Variants in ANKS1B observed in about 807,000 individuals in gnomAD.
ANKS1B encodes ankyrin repeat and sterile alpha motif domain containing 1B.
A neutral mutation model predicts 148.3 loss-of-function variants in ANKS1B; 36 were observed. The observed-to-expected ratio is 0.24, with a 90% CI of 0.19 to 0.32. The LOEUF (loss-of-function observed/expected upper bound fraction) is 0.32, where lower values mean the gene tolerates loss of function less well. Ranked by LOEUF, ANKS1B falls within the 10% of genes least tolerant of loss-of-function variation. The pLI, the probability that ANKS1B is intolerant of heterozygous loss-of-function variation, is 1.00. For synonymous variants in ANKS1B, 542 were observed against 560.8 expected (o/e 0.97, Z 0.47); for missense variants, 1,157 against 1,542.6 (o/e 0.75, Z 4.19).
intron 1 of ANKS1B, among the ~76,000 whole-genome samples, chr12:99,883,404 A>C (rs1460199774): frequency 6.6e-6 from 1 of 152,226 alleles, no homozygotes; most frequent in African/African-American, 2.4e-5. Context: ...GAACATAGAC[A>C]TAAACATAAA....
chr12:99,130,898 T>C (rs2065903023), intron 15 of ANKS1B, among the ~76,000 whole-genome samples: 1 of 152,188 alleles, frequency 6.6e-6, no homozygotes, highest in African/African-American at 2.4e-5. Context: ...TGGGCTTCTG[T>C]ACCTGTTGAC....
rs71436968 is a variant in ANKS1B, at chr12:99,850,281, G to GTCTCTCTCTCTCTCTCTCTC, written c.135-24912_135-24893dup. Among the ~76,000 whole-genome samples the GTCTCTCTCTCTCTCTCTCTC allele has an allele frequency of 9.0e-4, 103 of 114,242 alleles. 1 individual carries two copies. The highest frequency in any genetic ancestry group is 3.5e-3 in the African/African-American group (97 of 27,814). 74.9% of individuals were successfully genotyped at this position (114,242 alleles called of 152,430 possible). A position where few individuals can be genotyped will look rare whatever the true frequency, so the allele number is the denominator to read the frequency against. ...TTGAGAAAACAGCAGAAGCAAGAAA[G>GTCTCTCTCTCTCTCTCTCTC]TCTCTCTCTCTCTCTCTCTCTCTCT... On this transcript the variant is annotated intron_variant, in intron 1 of 26. Coordinates refer to ENST00000683438, the MANE Select transcript of ANKS1B (RefSeq NM_001352186.2).
chr12:99,433,724 T>C (rs527414218), intron 11 of ANKS1B, among the ~76,000 whole-genome samples: 29 of 152,186 alleles, frequency 1.9e-4, no homozygotes, highest in Admixed American at 7.8e-4. Flanking sequence ...GGCCTGGAGA[T>C]ACAAATTTAG....
chr12:99,199,760 A>G (rs2081839521), intron 14 of ANKS1B, among the ~76,000 whole-genome samples: 1 of 152,176 alleles, frequency 6.6e-6, no homozygotes, highest in African/African-American at 2.4e-5. Flanking sequence ...GCTATCTGCC[A>G]TCCTTCAGCT....
intron 15 of ANKS1B, among the ~76,000 whole-genome samples, chr12:99,095,060 C>G (rs558098425): frequency 1.3e-5 from 2 of 151,874 alleles, no homozygotes; most frequent in Non-Finnish European, 2.9e-5. Context: ...CCAAATGCAT[C>G]TTTTATTTGA....
At position 98,964,019 on chromosome 12, in the gene ANKS1B, A is replaced by G. The variant is rs149920777; in HGVS notation, c.2778+89138T>C. Among the ~76,000 whole-genome samples the G allele has an allele frequency of 2.6e-3, 388 of 152,094 alleles. 10 individuals carry two copies. The East Asian group carries it at 0.044, about 17-fold the overall frequency. On this transcript the variant is annotated intron_variant, in intron 17 of 26. Transcript: ENST00000683438. ...AGGCTGAGGCAAGAGAATTGCTTGA[A>G]CCTGGGAGGTGGAGGTTGCGGTGAG...
intron 4 of ANKS1B, among the ~76,000 whole-genome samples, chr12:99,802,770 G>A (rs561608819): frequency 4.6e-5 from 7 of 151,868 alleles, no homozygotes; most frequent in East Asian, 3.9e-4. Context: ...AAAATTAGCC[G>A]AGCACATCAG....
At chr12:98,914,543 C>T (rs2099791465) in intron 17 of ANKS1B, among the ~76,000 whole-genome samples, 1 of 152,002 alleles carries the variant, frequency 6.6e-6, no homozygotes, top group African/African-American at 2.4e-5. Flanking sequence ...CCTTGATATT[C>T]TACCTTCCTT....
At chr12:99,830,181 A>G (rs1425032921) in intron 1 of ANKS1B, among the ~76,000 whole-genome samples, 5 of 152,216 alleles carry the variant, frequency 3.3e-5, no homozygotes, top group Non-Finnish European at 7.4e-5. Flanking sequence ...AAAATAATGA[A>G]TAAGATATCA....
At chr12:99,563,264 T>C (rs570542417) in intron 9 of ANKS1B, among the ~76,000 whole-genome samples, 1 of 152,356 alleles carries the variant, frequency 6.6e-6, no homozygotes. Flanking sequence ...GATAACTGTT[T>C]GGCATAAGAT....
At chr12:98,843,270 G>A (rs184666202) in intron 17 of ANKS1B, among the ~76,000 whole-genome samples, 38 of 152,336 alleles carry the variant, frequency 2.5e-4, no homozygotes, top group African/African-American at 6.7e-4. Flanking sequence ...ATTCTCTCAG[G>A]AGTGAGTGAG....
At chr12:99,222,434 G>T (rs1053323109) in intron 14 of ANKS1B, among the ~76,000 whole-genome samples, 1 of 152,108 alleles carries the variant, frequency 6.6e-6, no homozygotes, top group African/African-American at 2.4e-5. Context: ...GGATAATACG[G>T]CAAAACCCCA....
At chr12:99,496,972 A>G (rs1312635212) in intron 10 of ANKS1B, among the ~76,000 whole-genome samples, 1 of 152,076 alleles carries the variant, frequency 6.6e-6, no homozygotes, top group Non-Finnish European at 1.5e-5. Context: ...TTATGTATTG[A>G]ATTTGTGTGC....
chr12:98,993,348 T>C (rs997905096), intron 17 of ANKS1B, among the ~76,000 whole-genome samples: 6 of 152,148 alleles, frequency 3.9e-5, no homozygotes, highest in African/African-American at 9.6e-5. Flanking sequence ...TTTGTATTTT[T>C]AGTAGTGATG....
At chr12:98,747,414 C>T (rs907743930) in intron 26 of ANKS1B, among the ~76,000 whole-genome samples, 14 of 152,100 alleles carry the variant, frequency 9.2e-5, no homozygotes, top group African/African-American at 3.4e-4. Flanking sequence ...ATCTCACCCC[C>T]GCTACTATTG....
At chr12:98,822,552 T>C (rs2099206108) in intron 19 of ANKS1B, among the ~76,000 whole-genome samples, 3 of 152,248 alleles carry the variant, frequency 2.0e-5, no homozygotes, top group Admixed American at 6.5e-5. Context: ...ATAGGGTTTT[T>C]ATATATTGTC....
At chr12:99,747,392 T>C (rs1601315704) in intron 8 of ANKS1B, among the ~76,000 whole-genome samples, 1 of 152,064 alleles carries the variant, frequency 6.6e-6, no homozygotes, top group South Asian at 2.1e-4. Flanking sequence ...TCAGCCTTCA[T>C]AAGTTTCCTT....
At chr12:99,122,335 C>T (rs2063105558) in intron 15 of ANKS1B, among the ~76,000 whole-genome samples, 1 of 152,066 alleles carries the variant, frequency 6.6e-6, no homozygotes, top group Non-Finnish European at 1.5e-5. Context: ...GGAGAAATTT[C>T]CTTAAGAAAC....
chr12:99,335,507 C>T (rs2088636373), intron 12 of ANKS1B, among the ~76,000 whole-genome samples: 1 of 151,526 alleles, frequency 6.6e-6, no homozygotes, highest in South Asian at 2.1e-4. Flanking sequence ...TCCCAGCTAC[C>T]CTTCCCAGCC....
Sources: gnomAD v4.1 joint callset for allele counts (sites outside exome capture counted in the v4.1 genomes callset) on GRCh38, gnomAD v4.1.1 for gene constraint, MANE v1.5 for transcripts, NCBI Gene and HGNC (gene_info 2026-07-23, HGNC 2026-07-21) for gene names.